STAG1: variants seen among roughly 807,000 people sequenced by gnomAD.
STAG1 encodes the protein STAG1 cohesin complex component, also known as cohesin subunit SA-1.
In STAG1, 26 loss-of-function variants were observed where a neutral mutation model predicts 170.9. That is an observed-to-expected ratio of 0.15 (90% CI 0.11 to 0.21). STAG1 has a LOEUF of 0.21. Among genes scored for constraint, STAG1 ranks in the 10% least tolerant of loss-of-function variants. The probability of loss-of-function intolerance (pLI) is 1.00; values close to 1 mark genes in which losing one functional copy is unlikely to be tolerated. For missense variants in STAG1, 964 were observed against 1,509.5 expected (o/e 0.64, Z 5.99); for synonymous variants, 514 against 497.7 (o/e 1.03, Z -0.44).
intron 4 of STAG1, 26 bp from the exon 5 acceptor site, chr3:136,568,887 A>C (rs769813984): frequency 6.5e-7 from 1 of 1,539,398 alleles, no homozygotes; most frequent in Non-Finnish European, 8.9e-7. Flanking sequence ...ATAAAAATGA[A>C]AACTTCAAAA....
At chr3:136,456,945 C>A (rs1337911838) in intron 13 of STAG1, among the ~76,000 whole-genome samples, 1 of 152,056 alleles carries the variant, frequency 6.6e-6, no homozygotes, top group African/African-American at 2.4e-5. Flanking sequence ...AAAGACTTTC[C>A]CAGACAAATA....
At chr3:136,603,045 C>T (rs542910906) in intron 4 of STAG1, among the ~76,000 whole-genome samples, 3 of 152,042 alleles carry the variant, frequency 2.0e-5, no homozygotes, top group Non-Finnish European at 2.9e-5. Context: ...GAACACAACA[C>T]GTCAATCTGG....
chr3:136,646,742 G>A (rs1941032235), intron 1 of STAG1, among the ~76,000 whole-genome samples: 1 of 151,880 alleles, frequency 6.6e-6, no homozygotes, highest in Non-Finnish European at 1.5e-5. Context: ...TCCGTCTCCA[G>A]TAAAAATACA....
intron 29 of STAG1, among the ~76,000 whole-genome samples, chr3:136,345,448 C>T (rs918587273): frequency 2.1e-5 from 3 of 142,422 alleles, no homozygotes; most frequent in South Asian, 4.6e-4. Flanking sequence ...TAAAATATTA[C>T]CTAGTTGTTT....
chr3:136,391,069 T>C (rs538069254), intron 22 of STAG1, among the ~76,000 whole-genome samples: 2 of 152,306 alleles, frequency 1.3e-5, no homozygotes, highest in South Asian at 2.1e-4. Context: ...AAGACAGTGA[T>C]GGAAGGACAA....
intron 7 of STAG1, among the ~76,000 whole-genome samples, chr3:136,504,977 C>T (rs1243053827): frequency 2.6e-5 from 4 of 152,106 alleles, no homozygotes; most frequent in Non-Finnish European, 5.9e-5. Flanking sequence ...AGGTATAATA[C>T]AGCAGTGTTT....
chr3:136,496,785 G>A (rs544164933), intron 9 of STAG1, among the ~76,000 whole-genome samples: 1 of 151,512 alleles, frequency 6.6e-6, no homozygotes, highest in East Asian at 1.9e-4. Context: ...AGGAAATAAA[G>A]GACAGAAATC....
intron 1 of STAG1, among the ~76,000 whole-genome samples, chr3:136,647,151 C>T (rs533633510): frequency 1.3e-5 from 2 of 152,168 alleles, no homozygotes; most frequent in South Asian, 4.1e-4. Context: ...AAATACCATG[C>T]ATAAATAATT....
chr3:136,432,142 A>G (rs1402952457), intron 16 of STAG1, among the ~76,000 whole-genome samples: 1 of 152,032 alleles, frequency 6.6e-6, no homozygotes, highest in African/African-American at 2.4e-5. Flanking sequence ...GATAATTTCT[A>G]TTAATCTTCA....
chr3:136,586,718 T>C (rs1050733788), intron 4 of STAG1: 2 of 338,094 alleles, frequency 5.9e-6, no homozygotes, highest in Non-Finnish European at 1.2e-5. Flanking sequence ...TCTAATTACC[T>C]AAAAATAATT....
intron 28 of STAG1, among the ~76,000 whole-genome samples, chr3:136,357,487 G>T (rs1936703410): frequency 6.6e-6 from 1 of 152,094 alleles, no homozygotes; most frequent in Non-Finnish European, 1.5e-5. Flanking sequence ...TGCATAATAA[G>T]AAATCATTTC....
At chr3:136,468,900 A>T (rs2089546815) in intron 12 of STAG1, among the ~76,000 whole-genome samples, 1 of 152,178 alleles carries the variant, frequency 6.6e-6, no homozygotes, top group Non-Finnish European at 1.5e-5. Context: ...TGATTATCTC[A>T]ATACATGCAG....
At chr3:136,697,133 T>G in intron 1 of STAG1, among the ~76,000 whole-genome samples, 1 of 152,250 alleles carries the variant, frequency 6.6e-6, no homozygotes, top group East Asian at 1.9e-4. Context: ...AAAGTTTATT[T>G]CTGACTTACA....
chr3:136,611,148 A>T (rs1939254376), intron 3 of STAG1, among the ~76,000 whole-genome samples: 1 of 152,064 alleles, frequency 6.6e-6, no homozygotes, highest in Admixed American at 6.6e-5. Flanking sequence ...AAGGAATTTT[A>T]CATAATTTTT....
In STAG1 at chr3:136,405,231, CTTTTTT is replaced by C. The variant is rs554475207; in HGVS notation, c.2197-6408_2197-6403del. 8.9e-4 allele frequency among the ~76,000 whole-genome samples: 54 copies of C among 60,900 alleles called. 1 individual carries two copies. Among genetic ancestry groups the C allele is most frequent in the East Asian group, 1.9e-3 (3 of 1,544 alleles). 40.0% of individuals were successfully genotyped at this position (60,900 alleles called of 152,430 possible). A position where few individuals can be genotyped will look rare whatever the true frequency, so the allele number is the denominator to read the frequency against. Reference sequence around the variant, plus strand: ...AATAAATAAACACATGAAAAAACCTCTTTTTTTTTTTTTTTTTTTTTTTTTTTTCAG... The same window carrying C: ...AATAAATAAACACATGAAAAAACCTCTTTTTTTTTTTTTTTTTTTTTTCAG... On this transcript the variant is annotated intron_variant, in intron 21 of 33. Coordinates refer to ENST00000383202, the MANE Select transcript of STAG1 (RefSeq NM_005862.3).
chr3:136,402,021 G>C (rs1320062421), intron 21 of STAG1, among the ~76,000 whole-genome samples: 1 of 151,964 alleles, frequency 6.6e-6, no homozygotes, highest in Non-Finnish European at 1.5e-5. Flanking sequence ...TGGGATTACA[G>C]GTGTGAGCCA....
intron 3 of STAG1, among the ~76,000 whole-genome samples, chr3:136,622,313 G>T (rs1034029551): frequency 6.6e-6 from 1 of 151,714 alleles, no homozygotes; most frequent in Admixed American, 6.6e-5. Flanking sequence ...AGTGAGACTC[G>T]ATCGGTGGGG....
chr3:136,529,404 T>G (rs1935251329), intron 6 of STAG1, among the ~76,000 whole-genome samples: 1 of 152,174 alleles, frequency 6.6e-6, no homozygotes, highest in East Asian at 1.9e-4. Flanking sequence ...TAGTCATATA[T>G]AAAGAAACCT....
chr3:136,710,571 T>C (rs1472465860), intron 1 of STAG1, among the ~76,000 whole-genome samples: 3 of 152,172 alleles, frequency 2.0e-5, no homozygotes, highest in African/African-American at 2.4e-5. Context: ...TGAAACAAGA[T>C]TGCAATGTGC....
Sources: allele counts gnomAD v4.1 joint callset (sites outside exome capture counted in the v4.1 genomes callset), GRCh38; gene constraint gnomAD v4.1.1; transcripts MANE v1.5; gene names NCBI Gene and HGNC (gene_info 2026-07-23, HGNC 2026-07-21).